ENAM: variants seen among roughly 807,000 people sequenced by gnomAD.
The protein encoded by ENAM is amelogenesis imperfecta 2, hypocalcification (autosomal dominant).
ENAM carries 21 observed loss-of-function variants against 33.6 expected under a neutral mutation model. The ratio of observed to expected loss-of-function variants is 0.63; its 90% CI spans 0.44 to 0.90. ENAM has a LOEUF of 0.90. ENAM is among the 40% of genes least tolerant of loss of function. The pLI, the probability that ENAM is intolerant of heterozygous loss-of-function variation, is 0.00. For missense variants in ENAM, 1,388 were observed against 1,366.9 expected, an observed-to-expected ratio of 1.02 and a Z score of -0.24; for synonymous variants, 473 against 468.4, an observed-to-expected ratio of 1.01 and a Z score of -0.13.
chr4:70,644,193 A>C lies in ENAM; in HGVS notation c.2767A>C (p.Ile923Leu), dbSNP rs1297914107. 1 of 1,614,036 alleles carries C rather than the reference A, an allele frequency of 6.2e-7. No homozygotes were observed. Among genetic ancestry groups the C allele is most frequent in the African/African-American group, 1.3e-5 (1 of 74,902 alleles). Residue 923 changes from isoleucine to leucine, a missense_variant, in exon 9 of 9, where the codon ATC (isoleucine) becomes CTC (leucine). Physicochemically the swap from Ile to Leu is conservative, Grantham distance 5. Coordinates refer to ENST00000396073, the MANE Select transcript of ENAM (RefSeq NM_031889.3). ...GSHTKQTRDI[I>L]SPTSILPGQR... is the part of the protein sequence containing the mutation. The stretch of plus-strand genomic sequence containing the variant: ...TCATACCAAGCAGACAAGAGATATC[A>C]TCTCCCCAACAAGCATCCTACCAGG...
At position 70,642,428 on chromosome 4, in the gene ENAM, G is replaced by T; in HGVS notation, c.1002G>T (p.Trp334Cys). 1 of 1,614,056 alleles carries T rather than the reference G, an allele frequency of 6.2e-7. No homozygotes were observed. Among genetic ancestry groups the T allele is most frequent in the Non-Finnish European group, 8.5e-7 (1 of 1,179,982 alleles). The stretch of plus-strand genomic sequence containing the variant: ...GAAATTTTCCTTCAGGAAGACAGTG[G>T]TATTTCACTGGTACTGTCATGGGGC... ...NIRNFPSGRQ[W>C]YFTGTVMGHR... Residue 334 changes from tryptophan to cysteine, a missense_variant, in exon 9 of 9, where the codon TGG (tryptophan) becomes TGT (cysteine). By Grantham distance (215) the Trp-to-Cys change is radical. Transcript: ENST00000396073.
chr4:70,634,492 A>C lies in ENAM; in HGVS notation c.395A>C (p.Lys132Thr). ...AAACCCAACCAGACTCAGTCAAAAA[A>C]GCCACCACAAAAGCGGCCTTTGAAG... ...TQKPNQTQSK[K>T]PPQKRPLKQP... is the part of the protein sequence containing the mutation. Residue 132 changes from lysine to threonine, a missense_variant, in exon 6 of 9, where the codon AAG becomes ACG. By Grantham distance (78) the Lys-to-Thr change is moderately conservative. Coordinates refer to ENST00000396073, the MANE Select transcript of ENAM (RefSeq NM_031889.3). 6.2e-7 allele frequency: 1 copy of C among 1,614,164 alleles called. No individual in the cohort carries two copies. Among genetic ancestry groups the C allele is most frequent in the Non-Finnish European group, 8.5e-7 (1 of 1,180,014 alleles).
chr4:70,632,114 G>A (rs1738338800), intron 4 of ENAM, among the ~76,000 whole-genome samples: 1 of 152,180 alleles, frequency 6.6e-6, no homozygotes. Context: ...CAAGGTAGAT[G>A]TGGATTTGTG....
At chr4:70,639,162 T>C (rs1325053949) in intron 8 of ENAM, among the ~76,000 whole-genome samples, 1 of 152,164 alleles carries the variant, frequency 6.6e-6, no homozygotes, top group African/African-American at 2.4e-5. Context: ...CTCTCAAATA[T>C]ATCATGAAAT....
intron 8 of ENAM, among the ~76,000 whole-genome samples, chr4:70,640,457 A>G (rs540269757): frequency 4.8e-4 from 73 of 152,374 alleles, no homozygotes; most frequent in Middle Eastern, 3.4e-3. Flanking sequence ...AAACATAAAA[A>G]GAATAGAGAA....
chr4:70,641,938 G>A (rs1240057916), intron 8 of ENAM, 77 bp from the exon 9 acceptor site: 12 of 1,006,776 alleles, frequency 1.2e-5, no homozygotes, highest in Middle Eastern at 2.3e-4. Context: ...AGATTTCCCT[G>A]TTATACTAAA....
chr4:70,642,544 G>A lies in ENAM; in HGVS notation c.1118G>A (p.Arg373His), dbSNP rs143134915. Residue 373 changes from arginine to histidine, a missense_variant, in exon 9 of 9, where the codon CGT becomes CAT. Transcript: ENST00000396073. ...GCTTGGGAACGTAAACAAGTAGCTC[G>A]TCCAGGAAATCCAGTTTATCACAAA... ...FFAWERKQVA[R>H]PGNPVYHKAY... 21 of 1,613,904 alleles carry A rather than the reference G, an allele frequency of 1.3e-5. No individual in the cohort carries two copies. Among genetic ancestry groups the A allele is most frequent in the South Asian group, 6.6e-5 (6 of 91,066 alleles).
At position 70,644,618 on chromosome 4, in the gene ENAM, G is replaced by T. The variant is rs1464671076; in HGVS notation, c.3192G>T (p.Lys1064Asn). Residue 1064 changes from lysine (K) to asparagine (N), a missense_variant, in exon 9 of 9, where the codon AAG becomes AAT. Coordinates refer to ENST00000396073, the MANE Select transcript of ENAM (RefSeq NM_031889.3). ...CATGCTTTGGCTCCAAATTAGCAAA[G>T]CATCACTCTTCCACCACCGGAACTC... ...HLPCFGSKLA[K>N]HHSSTTGTPS... The T allele has an allele frequency of 6.2e-7, 1 of 1,613,608 alleles. No individual in the cohort carries two copies. Among genetic ancestry groups the T allele is most frequent in the African/African-American group, 1.3e-5 (1 of 74,886 alleles).
At chr4:70,630,115 C>T (rs766203655) in intron 2 of ENAM, among the ~76,000 whole-genome samples, 2 of 152,162 alleles carry the variant, frequency 1.3e-5, no homozygotes, top group Non-Finnish European at 2.9e-5. Context: ...GATGTTCTAA[C>T]TCTGAAAATC....
At position 70,645,111 on chromosome 4, in the gene ENAM, G is replaced by A. The variant is rs117342040; in HGVS notation, c.*256G>A. On this transcript the variant is annotated 3_prime_UTR_variant, in exon 9 of 9. Coordinates refer to ENST00000396073, the MANE Select transcript of ENAM (RefSeq NM_031889.3). ...AGAAGGCCATGACCATCCCTGCCTC[G>A]AAACTTGCAAGTCACTTGTCTGAGT... 1,475 of 529,120 alleles carry A rather than the reference G, an allele frequency of 2.8e-3. 24 individuals are homozygous for A. In the East Asian group the frequency reaches 0.04, roughly 14 times the overall value. 32.8% of individuals were successfully genotyped at this position (529,120 alleles called of 1,614,324 possible).
rs1738681199 is a variant in ENAM at position 70,643,858 on chromosome 4, G to C, written c.2432G>C (p.Ser811Thr). The change falls in exon 9 of 9, where the codon AGT (serine) becomes ACT (threonine). Residue 811 changes from serine to threonine, a missense_variant. Physicochemically the swap from Ser to Thr is moderately conservative, Grantham distance 58. Transcript: ENST00000396073. ...PDQKGNQPYY[S>T]NTPAGLQKNP... ...CAGAAAGGTAACCAGCCCTATTACA[G>C]TAACACCCCAGCTGGGCTTCAGAAA... is the stretch of plus-strand genomic sequence containing the variant. The C allele has an allele frequency of 6.2e-7, 1 of 1,614,034 alleles. No homozygotes were observed. Among genetic ancestry groups the C allele is most frequent in the African/African-American group, 1.3e-5 (1 of 74,918 alleles).
chr4:70,638,818 A>C (rs1357723919), intron 8 of ENAM, among the ~76,000 whole-genome samples: 1 of 144,376 alleles, frequency 6.9e-6, no homozygotes, highest in South Asian at 2.2e-4. Flanking sequence ...TGTAAGACAG[A>C]GTCTCGCTCT....
chr4:70,631,824 G>A, intron 3 of ENAM, 25 bp from the exon 4 acceptor site: 1 of 1,613,612 alleles, frequency 6.2e-7, no homozygotes, highest in Non-Finnish European at 8.5e-7. Context: ...TTCTGCATTT[G>A]TCACTGACAT....
Position 70,644,695 on chromosome 4 carries a change from C to A in ENAM, c.3269C>A (p.Thr1090Asn), listed in dbSNP as rs757327707. ...TTTGATGGGGATTCAATTACGCCTA[C>A]TGAAAATCCTAACACATTGGTTGAG... The part of the protein sequence containing the change: ...SPFDGDSITP[T>N]ENPNTLVELA... The change falls in exon 9 of 9, where the codon ACT (threonine) becomes AAT (asparagine). Residue 1090 changes from threonine (T) to asparagine (N), a missense_variant. Coordinates refer to ENST00000396073, the MANE Select transcript of ENAM (RefSeq NM_031889.3). 1.2e-5 allele frequency: 20 copies of A among 1,614,208 alleles called. No individual in the cohort carries two copies. The highest frequency in any genetic ancestry group is 8.3e-5 in the Admixed American group (5 of 60,026).
intron 2 of ENAM, among the ~76,000 whole-genome samples, chr4:70,631,202 A>G (rs1738308838): frequency 6.6e-6 from 1 of 152,166 alleles, no homozygotes; most frequent in Non-Finnish European, 1.5e-5. Context: ...CAAAGTTTTG[A>G]TTTTGGAGTG....
chr4:70,644,908 C>A lies in ENAM; in HGVS notation c.*53C>A. Reference sequence around the variant, plus strand: ...AAAGAGAAATCACTGACATTCTATACCAATGGTTCCCAAAATTTTTTCCCC... The same window carrying A: ...AAAGAGAAATCACTGACATTCTATAACAATGGTTCCCAAAATTTTTTCCCC... On this transcript the variant is annotated 3_prime_UTR_variant, in exon 9 of 9. Coordinates refer to ENST00000396073, the MANE Select transcript of ENAM (RefSeq NM_031889.3). 4 of 1,491,350 alleles carry A rather than the reference C, an allele frequency of 2.7e-6. No individual in the cohort carries two copies. The highest frequency in any genetic ancestry group is 3.7e-6 in the Non-Finnish European group (4 of 1,070,890). The allele number at this position is 1,491,350 out of a possible 1,614,324, so 92.4% of individuals were successfully genotyped here. A position where few individuals can be genotyped will look rare whatever the true frequency, so the allele number is the denominator to read the frequency against.
chr4:70,632,812 A>T, intron 5 of ENAM, 120 bp downstream of exon 5: 3 of 783,172 alleles, frequency 3.8e-6, no homozygotes, highest in Non-Finnish European at 6.7e-6. Flanking sequence ...TGTAATCATT[A>T]CAAAAGTTTC....
Position 70,646,061 on chromosome 4 carries a change from T to TC in ENAM, c.*1206_*1207insC, listed in dbSNP as rs968563183. On this transcript the variant is annotated 3_prime_UTR_variant, in exon 9 of 9. Transcript: ENST00000396073. ...AAATAAAAACTCAATGTTTAGTTGT[T>TC]TTTTTTTTTTTTTACTAGTTCAGCA... The TC allele has an allele frequency of 8.1e-6, 1 of 123,228 alleles. No homozygotes were observed. Among genetic ancestry groups the TC allele is most frequent in the African/African-American group, 3.7e-5 (1 of 27,142 alleles). The allele number at this position is 123,228 out of a possible 1,614,324, so 7.6% of individuals were successfully genotyped here.
chr4:70,635,706 A>C, intron 6 of ENAM, 126 bp from the exon 7 acceptor site: 3 of 701,674 alleles, frequency 4.3e-6, no homozygotes, highest in Admixed American at 4.4e-5. Flanking sequence ...GCCCTATAAA[A>C]AACACAGAGT....
Sources: allele counts gnomAD v4.1 joint callset (sites outside exome capture counted in the v4.1 genomes callset), GRCh38; gene constraint gnomAD v4.1.1; transcripts MANE v1.5; gene names NCBI Gene and HGNC (gene_info 2026-07-23, HGNC 2026-07-21).